INTU: variants seen among roughly 807,000 people sequenced by gnomAD.
INTU encodes protein inturned.
Under a neutral mutation model 100.5 loss-of-function variants are expected in INTU, and 68 were observed. The ratio of observed to expected loss-of-function variants is 0.68; its 90% CI spans 0.56 to 0.83. The LOEUF (loss-of-function observed/expected upper bound fraction) is 0.83, where lower values mean the gene tolerates loss of function less well. Ranked by LOEUF, INTU falls within the 40% of genes least tolerant of loss-of-function variation. The pLI, the probability that INTU is intolerant of heterozygous loss-of-function variation, is 0.00. For missense variants in INTU, 1,071 were observed against 1,114.7 expected (o/e 0.96, Z 0.56); for synonymous variants, 357 against 395.7 (o/e 0.90, Z 1.16).
At chr4:127,640,594 T>TATATATATATATAC (rs1727285900) in intron 1 of INTU, among the ~76,000 whole-genome samples, 1 of 39,858 alleles carries the variant, frequency 2.5e-5, no homozygotes, top group African/African-American at 5.7e-5. Flanking sequence ...TATATATACA[T>TATATATATATATAC]ATACATAAAC....
chr4:127,694,746 A>G (rs1369954546), intron 8 of INTU, among the ~76,000 whole-genome samples: 1 of 152,152 alleles, frequency 6.6e-6, no homozygotes, highest in Non-Finnish European at 1.5e-5. Context: ...CAGTTGTTCT[A>G]GCACCATTTG....
intron 8 of INTU, among the ~76,000 whole-genome samples, chr4:127,691,267 G>C (rs1487724921): frequency 6.6e-6 from 1 of 152,060 alleles, no homozygotes; most frequent in Non-Finnish European, 1.5e-5. Flanking sequence ...GAAAATCTCT[G>C]TTGCTCCCAT....
At chr4:127,652,898 C>T (rs1233059729) in intron 2 of INTU, among the ~76,000 whole-genome samples, 2 of 140,290 alleles carry the variant, frequency 1.4e-5, no homozygotes, top group African/African-American at 5.4e-5. Context: ...ACAATTTCAG[C>T]TCCTGTTATT....
chr4:127,696,762 G>C (rs1374756420), intron 8 of INTU, among the ~76,000 whole-genome samples: 1 of 151,560 alleles, frequency 6.6e-6, no homozygotes, highest in Non-Finnish European at 1.5e-5. Context: ...TCTTAAAATA[G>C]AAACTTGGAT....
intron 8 of INTU, among the ~76,000 whole-genome samples, chr4:127,699,547 A>C (rs1055435153): frequency 1.3e-5 from 2 of 152,204 alleles, no homozygotes; most frequent in Admixed American, 6.5e-5. Flanking sequence ...CAAGAATCCA[A>C]CTATTGAGTA....
intron 2 of INTU, among the ~76,000 whole-genome samples, chr4:127,651,166 G>C (rs1322178772): frequency 6.6e-6 from 1 of 151,806 alleles, no homozygotes; most frequent in Non-Finnish European, 1.5e-5. Flanking sequence ...CATTTTGTAG[G>C]TTGCCTGTTC....
intron 6 of INTU, among the ~76,000 whole-genome samples, chr4:127,674,997 C>T (rs1340144681): frequency 1.3e-5 from 2 of 152,156 alleles, no homozygotes; most frequent in Non-Finnish European, 2.9e-5. Context: ...GATTCCCTAA[C>T]ATCATAGGAC....
At chr4:127,670,932 C>A (rs1321014642) in intron 5 of INTU, among the ~76,000 whole-genome samples, 1 of 151,936 alleles carries the variant, frequency 6.6e-6, no homozygotes, top group African/African-American at 2.4e-5. Flanking sequence ...GAAACTGAAC[C>A]CATCTCTCTC....
chr4:127,681,618 A>C (rs899883705), intron 6 of INTU, among the ~76,000 whole-genome samples: 2 of 152,204 alleles, frequency 1.3e-5, no homozygotes, highest in African/African-American at 4.8e-5. Flanking sequence ...TGGATTAAAG[A>C]CTTAAACGGT....
rs535950099 is a variant in INTU at position 127,654,915 on chromosome 4, C to T, written c.683-1721C>T. On this transcript the variant is annotated intron_variant, in intron 2 of 15. Coordinates refer to ENST00000335251, the MANE Select transcript of INTU (RefSeq NM_015693.4). Reference sequence around the variant, plus strand: ...AGTCCCATATTTCTTGGAGGCTTTGCTCATTTCTTTTTATTCTTTTTTCTC... The same window carrying T: ...AGTCCCATATTTCTTGGAGGCTTTGTTCATTTCTTTTTATTCTTTTTTCTC... Among the ~76,000 whole-genome samples the T allele has an allele frequency of 8.7e-3, 1,244 of 142,900 alleles. 7 individuals are homozygous for T. Among genetic ancestry groups the T allele is most frequent in the Middle Eastern group, 0.021 (6 of 280 alleles). 93.7% of individuals were successfully genotyped at this position (142,900 alleles called of 152,430 possible).
At chr4:127,639,892 A>G (rs1727234266) in intron 1 of INTU, among the ~76,000 whole-genome samples, 1 of 152,108 alleles carries the variant, frequency 6.6e-6, no homozygotes, top group Non-Finnish European at 1.5e-5. Flanking sequence ...GTAACTTTGT[A>G]CCCGTCGACC....
At chr4:127,708,907 T>TATTTGTATAC (rs1730988829) in intron 13 of INTU, among the ~76,000 whole-genome samples, 1 of 152,206 alleles carries the variant, frequency 6.6e-6, no homozygotes, top group Non-Finnish European at 1.5e-5. Flanking sequence ...TCTCCCTTTA[T>TATTTGTATAC]CTCTCCACAG....
Position 127,701,036 on chromosome 4 carries a change from C to T in INTU, c.1503+973C>T, listed in dbSNP as rs1023035212. Reference sequence around the variant, plus strand: ...TGAATTAATGGATCTAGGCAATGGTCATCAATAGCTATTAATATCACAAAC... The same window carrying T: ...TGAATTAATGGATCTAGGCAATGGTTATCAATAGCTATTAATATCACAAAC... On this transcript the variant is annotated intron_variant, in intron 9 of 15. Coordinates refer to ENST00000335251, the MANE Select transcript of INTU (RefSeq NM_015693.4). Among the ~76,000 whole-genome samples the T allele has an allele frequency of 2.6e-5, 4 of 152,166 alleles. No individual in the cohort carries two copies. In the East Asian group the frequency reaches 5.8e-4, roughly 22 times the overall value.
rs1246913786 is a variant in INTU at position 127,674,087 on chromosome 4, G to A, written c.1092-37G>A. On this transcript the variant is annotated intron_variant, in intron 5 of 15. Transcript: ENST00000335251. ...TACTTATAATTTTATGACATTTAAA[G>A]GTATTCTAACCTTATTTTGAATATA... 5.3e-6 allele frequency: 7 copies of A among 1,330,276 alleles called. No individual in the cohort carries two copies. The East Asian group carries it at 1.2e-4, about 22-fold the overall frequency. 82.4% of individuals were successfully genotyped at this position (1,330,276 alleles called of 1,614,324 possible).
intron 8 of INTU, among the ~76,000 whole-genome samples, chr4:127,696,612 T>A (rs1266500201): frequency 1.3e-5 from 2 of 152,106 alleles, no homozygotes; most frequent in Non-Finnish European, 2.9e-5. Context: ...TTTTATTGAT[T>A]TTTTTCAAGG....
chr4:127,646,521 T>G (rs2126181243), intron 2 of INTU, among the ~76,000 whole-genome samples: 1 of 152,338 alleles, frequency 6.6e-6, no homozygotes. Context: ...TTGATGATCA[T>G]TGCCTAAATC....
chr4:127,640,858 G>T (rs529014227), intron 1 of INTU, among the ~76,000 whole-genome samples: 1 of 151,884 alleles, frequency 6.6e-6, no homozygotes, highest in South Asian at 2.1e-4. Context: ...TGATTATAAA[G>T]CATGGATTTT....
chr4:127,702,427 A>G (rs1393373043), intron 9 of INTU, among the ~76,000 whole-genome samples: 1 of 152,214 alleles, frequency 6.6e-6, no homozygotes, highest in Non-Finnish European at 1.5e-5. Flanking sequence ...CAAAAAGTGG[A>G]AACAACTCAA....
chr4:127,663,342 C>T (rs764225744), intron 3 of INTU, 39 bp from the exon 4 acceptor site: 1 of 1,501,152 alleles, frequency 6.7e-7, no homozygotes, highest in African/African-American at 1.4e-5. Flanking sequence ...GCTGATTTTC[C>T]CTTGTCGAAA....
Sources: allele counts gnomAD v4.1 joint callset (sites outside exome capture counted in the v4.1 genomes callset), GRCh38; gene constraint gnomAD v4.1.1; transcripts MANE v1.5; gene names NCBI Gene and HGNC (gene_info 2026-07-23, HGNC 2026-07-21).